The following UCHL5 variants were observed in gnomAD, a reference collection of about 807,000 sequenced individuals.
UCHL5 encodes ubiquitin carboxyl-terminal hydrolase isozyme L5.
In UCHL5, 34 loss-of-function variants were observed where a neutral mutation model predicts 53.8. That is an observed-to-expected ratio of 0.63 (90% CI 0.48 to 0.84). The LOEUF (loss-of-function observed/expected upper bound fraction) is 0.84. UCHL5 is among the 40% of genes least tolerant of loss of function. UCHL5 has a pLI of 0.00. For synonymous variants in UCHL5, 111 were observed against 126.3 expected, an observed-to-expected ratio of 0.88 and a Z score of 0.81; for missense variants, 290 against 385.6, an observed-to-expected ratio of 0.75 and a Z score of 2.08.
Position 193,051,752 on chromosome 1 carries a change from ACTTT to A in UCHL5, c.138_140+1del. 1 of 1,570,464 alleles carries A rather than the reference ACTTT, an allele frequency of 6.4e-7. No individual in the cohort carries two copies. Among genetic ancestry groups the A allele is most frequent in the Non-Finnish European group, 8.7e-7 (1 of 1,150,360 alleles). On this transcript the variant is annotated splice_donor_variant and coding_sequence_variant, in exon 2 of 11. Transcript: ENST00000367454. LOFTEE classifies it high-confidence loss of function. ...TATTAACACAACTAAAATTATACTT[ACTTT>A]AATTTTTCAAAATTCTCAGGCTCTA...
rs1255018919 is a variant in UCHL5, at chr1:193,013,473, G to C, written c.*2878C>G. ...AGAACTATTTCAGACTATGGGGAGG[G>C]CAAGCAAGACTAACACACAAAAACA... On this transcript the variant is annotated 3_prime_UTR_variant, in exon 11 of 11. Coordinates refer to ENST00000367454, the MANE Select transcript of UCHL5 (RefSeq NM_001199261.3). 6.6e-6 allele frequency: 1 copy of C among 152,122 alleles called. No individual in the cohort carries two copies. Among genetic ancestry groups the C allele is most frequent in the Non-Finnish European group, 1.5e-5 (1 of 68,018 alleles). 9.4% of individuals were successfully genotyped at this position (152,122 alleles called of 1,614,324 possible).
intron 10 of UCHL5, chr1:193,018,519 GGTGT>G (rs879780845): frequency 9.0e-7 from 1 of 1,111,926 alleles, no homozygotes; most frequent in Admixed American, 4.9e-5. Context: ...TTTTAAATGT[GGTGT>G]GTATTCAACG....
At chr1:193,045,198 G>A (rs528742278) in intron 3 of UCHL5, among the ~76,000 whole-genome samples, 5 of 152,214 alleles carry the variant, frequency 3.3e-5, no homozygotes, top group African/African-American at 4.8e-5. Context: ...TACCTACCAC[G>A]TACCAAGGAC....
rs200951342 is a variant in UCHL5, at chr1:193,043,151, T to TAAAAAAAAAAA, written c.246+6584_246+6594dup. Among the ~76,000 whole-genome samples, 53 of 36,372 alleles carry TAAAAAAAAAAA rather than the reference T, an allele frequency of 1.5e-3. 2 individuals carry two copies. The highest frequency in any genetic ancestry group is 4.1e-3 in the African/African-American group (50 of 12,062). 23.9% of individuals were successfully genotyped at this position (36,372 alleles called of 152,430 possible). On this transcript the variant is annotated intron_variant, in intron 3 of 10. Transcript: ENST00000367454. ...TGGAGCCTTGACAGCTCTTGAATAT[T>TAAAAAAAAAAA]AAAAAAAAAAAAAAAAAAAAAAAAA...
intron 10 of UCHL5, chr1:193,020,353 A>G: frequency 5.8e-6 from 9 of 1,548,410 alleles, no homozygotes; most frequent in Non-Finnish European, 7.9e-6. Flanking sequence ...TTATTTGCCT[A>G]GTAGTGTCTT....
chr1:193,037,882 T>C (rs1664093069), intron 3 of UCHL5, among the ~76,000 whole-genome samples: 1 of 99,386 alleles, frequency 1.0e-5, no homozygotes, highest in South Asian at 3.5e-4. Flanking sequence ...CCCTAGAACT[T>C]AAAGTATTAA....
At chr1:193,040,348 G>A (rs943845726) in intron 3 of UCHL5, among the ~76,000 whole-genome samples, 1 of 152,110 alleles carries the variant, frequency 6.6e-6, no homozygotes, top group African/African-American at 2.4e-5. Context: ...GATCTGAATA[G>A]ACATTTCTCA....
intron 3 of UCHL5, among the ~76,000 whole-genome samples, chr1:193,034,234 C>T (rs927767308): frequency 6.6e-6 from 1 of 151,628 alleles, no homozygotes; most frequent in Admixed American, 6.6e-5. Flanking sequence ...ACCACTATCA[C>T]ACAAACATGC....
At chr1:193,046,374 A>C (rs2102772054) in intron 3 of UCHL5, among the ~76,000 whole-genome samples, 2 of 152,242 alleles carry the variant, frequency 1.3e-5, no homozygotes, top group East Asian at 3.9e-4. Context: ...CAAAATGTTG[A>C]CTACTAAAAG....
At chr1:193,021,258 G>T in intron 9 of UCHL5, 63 bp from the exon 10 acceptor site, 1 of 1,100,740 alleles carries the variant, frequency 9.1e-7, no homozygotes. Context: ...TTTATTCTTT[G>T]CATCCAACTC....
chr1:193,027,152 G>A (rs1431660973), intron 7 of UCHL5, among the ~76,000 whole-genome samples: 1 of 152,118 alleles, frequency 6.6e-6, no homozygotes. Flanking sequence ...AGCAAATTTT[G>A]CTGTATCTTG....
chr1:193,036,162 T>C (rs987584591), intron 3 of UCHL5, among the ~76,000 whole-genome samples: 4 of 151,334 alleles, frequency 2.6e-5, no homozygotes, highest in African/African-American at 9.7e-5. Context: ...TGAATGTAAA[T>C]AGGCTCAATT....
chr1:193,019,104 T>C (rs1482261521), intron 10 of UCHL5, among the ~76,000 whole-genome samples: 1 of 151,600 alleles, frequency 6.6e-6, no homozygotes, highest in African/African-American at 2.4e-5. Flanking sequence ...GTGCTACAGA[T>C]TAAGCACTTA....
chr1:193,040,436 C>T lies in UCHL5; in HGVS notation c.246+9310G>A, dbSNP rs142569290. ...TCATCAGAGCAATGCAAATCAAAAC[C>T]GCAATGTTATCATCTCACCCAAGTT... On this transcript the variant is annotated intron_variant, in intron 3 of 10. Coordinates refer to ENST00000367454, the MANE Select transcript of UCHL5 (RefSeq NM_001199261.3). 1.7e-4 allele frequency among the ~76,000 whole-genome samples: 26 copies of T among 152,142 alleles called. 1 individual carries two copies. Among genetic ancestry groups the T allele is most frequent in the East Asian group, 1.2e-3 (6 of 5,178 alleles).
intron 7 of UCHL5, among the ~76,000 whole-genome samples, chr1:193,025,833 T>C (rs531010467): frequency 6.6e-6 from 1 of 152,240 alleles, no homozygotes; most frequent in South Asian, 2.1e-4. Flanking sequence ...AGAGGAACTA[T>C]AGTAGTTAAA....
intron 3 of UCHL5, among the ~76,000 whole-genome samples, chr1:193,048,039 A>T (rs1346454804): frequency 6.6e-6 from 1 of 152,200 alleles, no homozygotes; most frequent in Admixed American, 6.5e-5. Flanking sequence ...AAGTACAAAT[A>T]AAGAACTACT....
intron 3 of UCHL5, among the ~76,000 whole-genome samples, chr1:193,034,140 A>C (rs919298610): frequency 3.3e-5 from 5 of 152,132 alleles, no homozygotes; most frequent in Non-Finnish European, 7.4e-5. Context: ...GAAGGCGGCT[A>C]AAAGGAGAAA....
rs567439876 is a variant in UCHL5 at position 193,016,240 on chromosome 1, T to C, written c.*111A>G. 30 of 1,238,398 alleles carry C rather than the reference T, an allele frequency of 2.4e-5. No homozygotes were observed. The highest frequency in any genetic ancestry group is 5.5e-5 in the South Asian group (4 of 73,108). The allele number at this position is 1,238,398 out of a possible 1,614,324, so 76.7% of individuals were successfully genotyped here. ...TTAAAGACAAGACAGGCTGGCACTA[T>C]TGCCAAACGTGCACTGAGCCAATTA... is the stretch of plus-strand genomic sequence containing the variant. On this transcript the variant is annotated 3_prime_UTR_variant, in exon 11 of 11. Transcript: ENST00000367454.
intron 4 of UCHL5, 40 bp from the exon 5 acceptor site, chr1:193,029,489 T>G: frequency 9.3e-6 from 15 of 1,613,230 alleles, no homozygotes; most frequent in Non-Finnish European, 1.3e-5. Context: ...ATATACAAAC[T>G]TTCACAAATA....
Sources: allele counts gnomAD v4.1 joint callset (sites outside exome capture counted in the v4.1 genomes callset), GRCh38; gene constraint gnomAD v4.1.1; transcripts MANE v1.5; gene names NCBI Gene and HGNC (gene_info 2026-07-23, HGNC 2026-07-21).